TTC6: variants seen among roughly 807,000 people sequenced by gnomAD.
The protein encoded by TTC6 is tetratricopeptide repeat domain 6.
In TTC6, 172 loss-of-function variants were observed where a neutral mutation model predicts 210.4. The ratio of observed to expected loss-of-function variants is 0.82; its 90% CI spans 0.72 to 0.93. TTC6 has a LOEUF of 0.93. TTC6 is among the 40% of genes least tolerant of loss of function. The probability of loss-of-function intolerance (pLI) is 0.00; values close to 1 mark genes in which losing one functional copy is unlikely to be tolerated. For synonymous variants in TTC6, 804 were observed against 819.6 expected (o/e 0.98, Z 0.32); for missense variants, 2,414 against 2,318.1 (o/e 1.04, Z -0.85).
intron 6 of TTC6, among the ~76,000 whole-genome samples, chr14:37,721,774 T>A (rs996664201): frequency 4.7e-5 from 7 of 149,638 alleles, no homozygotes; most frequent in African/African-American, 7.3e-5. Flanking sequence ...AAAATTAAAA[T>A]TTTTCCTTCT....
chr14:37,711,971 C>G (rs2095845445), intron 5 of TTC6, among the ~76,000 whole-genome samples: 1 of 152,026 alleles, frequency 6.6e-6, no homozygotes, highest in Non-Finnish European at 1.5e-5. Flanking sequence ...AAAGAGAACT[C>G]TAGAAAGGGT....
chr14:37,832,837 A>C (rs1243409039), intron 29 of TTC6, among the ~76,000 whole-genome samples: 1 of 152,052 alleles, frequency 6.6e-6, no homozygotes, highest in African/African-American at 2.4e-5. Context: ...AGGTGGGCAG[A>C]TCACGAGGTC....
At chr14:37,705,868 G>A (rs2095834483) in intron 5 of TTC6, among the ~76,000 whole-genome samples, 1 of 152,136 alleles carries the variant, frequency 6.6e-6, no homozygotes, top group Non-Finnish European at 1.5e-5. Flanking sequence ...ATAGGAAGGA[G>A]GAGGGGAAAG....
chr14:37,622,982 G>C, exon 1 of TTC6: 1 of 1,477,600 alleles, frequency 6.8e-7, no homozygotes, highest in Non-Finnish European at 9.0e-7. Context: ...TCCTTGGCCA[G>C]AACTACGACA....
chr14:37,618,125 A>G (rs2095645646), upstream of TTC6, among the ~76,000 whole-genome samples: 1 of 152,244 alleles, frequency 6.6e-6, no homozygotes. Flanking sequence ...AGTCTAGAGC[A>G]AAGTTTTGGA....
At chr14:37,824,020 T>C (rs1344652595) in intron 27 of TTC6, 63 bp downstream of exon 29, 1 of 1,458,910 alleles carries the variant, frequency 6.9e-7, no homozygotes, top group Non-Finnish European at 9.5e-7. Context: ...TATTTGGCTC[T>C]TTCCTGGCAA....
chr14:37,774,945 G>A (rs2096032470), intron 14 of TTC6, among the ~76,000 whole-genome samples: 1 of 151,988 alleles, frequency 6.6e-6, no homozygotes, highest in Admixed American at 6.6e-5. Context: ...GGGTCAATTT[G>A]TTCCTATTTC....
chr14:37,768,284 G>T (rs2096005870), intron 14 of TTC6, among the ~76,000 whole-genome samples: 1 of 151,252 alleles, frequency 6.6e-6, no homozygotes, highest in South Asian at 2.1e-4. Context: ...GGTGATGCGG[G>T]CTCTTTTTTG....
At chr14:37,838,309 A>G (rs2096202553) in intron 29 of TTC6, among the ~76,000 whole-genome samples, 2 of 152,172 alleles carry the variant, frequency 1.3e-5, no homozygotes, top group East Asian at 3.9e-4. Flanking sequence ...ACAAATTGCT[A>G]GAAATGTGAT....
chr14:37,721,225 A>C (rs2095861293), intron 6 of TTC6, among the ~76,000 whole-genome samples: 1 of 152,176 alleles, frequency 6.6e-6, no homozygotes, highest in Non-Finnish European at 1.5e-5. Context: ...TATTATGTTA[A>C]AATCTATTGT....
chr14:37,651,099 A>G (rs1160942976), intron 1 of TTC6, among the ~76,000 whole-genome samples: 1 of 152,124 alleles, frequency 6.6e-6, no homozygotes, highest in African/African-American at 2.4e-5. Context: ...TCATTTCATT[A>G]CTTTTTAGAA....
chr14:37,661,403 C>G (rs2095737076), intron 1 of TTC6, among the ~76,000 whole-genome samples: 2 of 152,166 alleles, frequency 1.3e-5, no homozygotes, highest in South Asian at 4.1e-4. Flanking sequence ...GCCAGTTCTC[C>G]TAGCACCATT....
intron 9 of TTC6, 34 bp from the exon 12 acceptor site, chr14:37,738,742 T>A (rs2095908904): frequency 1.4e-6 from 2 of 1,415,140 alleles, no homozygotes; most frequent in Non-Finnish European, 1.8e-6. Flanking sequence ...AAATTGATTT[T>A]ACGTTTTTTC....
intron 3 of TTC6, among the ~76,000 whole-genome samples, chr14:37,692,662 A>C (rs1957595): frequency 1 from 151,872 of 151,942 alleles, 75,901 homozygotes; most frequent in Non-Finnish European, 1. Flanking sequence ...AGTTTGAGAC[A>C]AGCCTGGCCA....
At chr14:37,711,169 T>G (rs1209375012) in intron 5 of TTC6, among the ~76,000 whole-genome samples, 1 of 152,040 alleles carries the variant, frequency 6.6e-6, no homozygotes, top group African/African-American at 2.4e-5. Context: ...CAGGGCAGAG[T>G]CTGGGGCTGG....
intron 14 of TTC6, among the ~76,000 whole-genome samples, chr14:37,780,380 C>T (rs1216552692): frequency 6.6e-6 from 1 of 152,160 alleles, no homozygotes; most frequent in Non-Finnish European, 1.5e-5. Flanking sequence ...ATTAGCGATT[C>T]TTCCTGATGC....
chr14:37,688,750 G>A (rs917718274), intron 3 of TTC6, among the ~76,000 whole-genome samples: 4 of 152,158 alleles, frequency 2.6e-5, no homozygotes, highest in African/African-American at 9.7e-5. Context: ...CAGCATTACT[G>A]GGCTTGGGGT....
Position 37,682,739 on chromosome 14 carries a change from CA to C in TTC6, c.1051-18del. The C allele has an allele frequency of 6.5e-7, 1 of 1,531,290 alleles. No homozygotes were observed. Among genetic ancestry groups the C allele is most frequent in the Non-Finnish European group, 8.7e-7 (1 of 1,143,574 alleles). The allele number at this position is 1,531,290 out of a possible 1,614,324, so 94.9% of individuals were successfully genotyped here. ...CCAATAAAAAAAAAGCATTCTTGCA[CA>C]TTTACTTTTTCCAACAGAGCGTGCA... On this transcript the variant is annotated intron_variant, in intron 2 of 30. Coordinates refer to ENST00000553443, the Ensembl canonical transcript of TTC6.
intron 14 of TTC6, among the ~76,000 whole-genome samples, chr14:37,778,365 A>T (rs1398920778): frequency 7.4e-6 from 1 of 135,000 alleles, no homozygotes; most frequent in East Asian, 2.1e-4. Flanking sequence ...CTGTGTGTGC[A>T]TTTGCACTGG....
Sources: gnomAD v4.1 joint callset for allele counts (sites outside exome capture counted in the v4.1 genomes callset) on GRCh38, gnomAD v4.1.1 for gene constraint, MANE v1.5 for transcripts, NCBI Gene and HGNC (gene_info 2026-07-23, HGNC 2026-07-21) for gene names.